FOXN3: variants seen among roughly 807,000 people sequenced by gnomAD.
FOXN3 encodes the protein forkhead box N3.
Under a neutral mutation model 38.4 loss-of-function variants are expected in FOXN3, and 7 were observed. The observed-to-expected ratio is 0.18, with a 90% CI of 0.10 to 0.34. FOXN3 has a LOEUF of 0.34. Ranked by LOEUF, FOXN3 falls within the 10% of genes least tolerant of loss-of-function variation. The pLI is 1.00. For missense variants in FOXN3, 456 were observed against 613.4 expected, an observed-to-expected ratio of 0.74 and a Z score of 2.71; for synonymous variants, 230 against 242.2, an observed-to-expected ratio of 0.95 and a Z score of 0.47.
At chr14:89,418,563 G>A (rs573526820), upstream of FOXN3, among the ~76,000 whole-genome samples, 2 of 151,314 alleles carry the variant, frequency 1.3e-5, no homozygotes, top group East Asian at 2.0e-4. Context: ...ACAATTAGGA[G>A]GTGGAAGCCC....
Position 89,548,305 on chromosome 14 carries a change from T to C in FOXN3, c.-15+70723A>G, listed in dbSNP as rs930551966. On this transcript the variant is annotated intron_variant, in intron 1 of 6. Transcript: ENST00000345097. The surrounding 1 kb of genome is among the most constrained non-coding windows in gnomAD (Gnocchi z 4.8). ...TATCATTTCCTAATTATTCCTCACA[T>C]GTATATTTATGTTTGTCAGAATATA... Among the ~76,000 whole-genome samples the C allele has an allele frequency of 2.7e-5, 4 of 148,584 alleles. No homozygotes were observed. Among genetic ancestry groups the C allele is most frequent in the Non-Finnish European group, 4.5e-5 (3 of 66,774 alleles).
At chr14:89,260,524 A>C (rs1409373197) in intron 4 of FOXN3, among the ~76,000 whole-genome samples, 1 of 152,266 alleles carries the variant, frequency 6.6e-6, no homozygotes, top group African/African-American at 2.4e-5. Flanking sequence ...TGGCTGGCAC[A>C]GCCTGGGTGC....
At chr14:89,251,159 C>A (rs1172335324) in intron 4 of FOXN3, among the ~76,000 whole-genome samples, 1 of 152,186 alleles carries the variant, frequency 6.6e-6, no homozygotes, top group Non-Finnish European at 1.5e-5. Context: ...TACTTGTGAG[C>A]CACTGGTGCC....
intron 4 of FOXN3, among the ~76,000 whole-genome samples, chr14:89,256,909 A>G (rs1211636864): frequency 2.0e-5 from 3 of 152,218 alleles, no homozygotes; most frequent in Non-Finnish European, 4.4e-5. Flanking sequence ...GACCTCTGCA[A>G]GTCTACTTTT....
chr14:89,221,889 C>A (rs1333813602), intron 4 of FOXN3, among the ~76,000 whole-genome samples: 1 of 150,702 alleles, frequency 6.6e-6, no homozygotes, highest in Non-Finnish European at 1.5e-5. Flanking sequence ...GTGGCGCGAT[C>A]TCGGCTCACT....
At chr14:89,443,170 T>C (rs977893119) in intron 1 of FOXN3, among the ~76,000 whole-genome samples, 1 of 152,164 alleles carries the variant, frequency 6.6e-6, no homozygotes, top group South Asian at 2.1e-4. Flanking sequence ...TAGTCATGAG[T>C]GGTAACTGCA....
chr14:89,286,013 C>T (rs1292607136), intron 3 of FOXN3, among the ~76,000 whole-genome samples: 1 of 151,950 alleles, frequency 6.6e-6, no homozygotes, highest in Admixed American at 6.6e-5. Flanking sequence ...ACTACAGGCA[C>T]ACACCACTAT....
At chr14:89,376,086 A>C (rs2140061284) in intron 2 of FOXN3, among the ~76,000 whole-genome samples, 1 of 152,244 alleles carries the variant, frequency 6.6e-6, no homozygotes, top group South Asian at 2.1e-4. Context: ...CCTGGCCTCC[A>C]GTTTCAGTTT....
intron 4 of FOXN3, among the ~76,000 whole-genome samples, chr14:89,246,627 C>A (rs1453798017): frequency 1.4e-5 from 2 of 140,840 alleles, no homozygotes; most frequent in Non-Finnish European, 3.0e-5. Context: ...GCAACCTCTG[C>A]CTCCTGGGTT....
chr14:89,205,766 G>A (rs773940530), intron 4 of FOXN3, among the ~76,000 whole-genome samples: 4 of 152,212 alleles, frequency 2.6e-5, no homozygotes, highest in Non-Finnish European at 4.4e-5. Flanking sequence ...CGCCCACCGG[G>A]GCTTCGGGAG....
At chr14:89,268,114 A>C (rs1048447833) in intron 4 of FOXN3, among the ~76,000 whole-genome samples, 5 of 152,334 alleles carry the variant, frequency 3.3e-5, no homozygotes, top group Middle Eastern at 3.4e-3. Flanking sequence ...ATATACATAT[A>C]TGCTGCTTGG....
chr14:89,184,944 G>A (rs1887765865), intron 4 of FOXN3, among the ~76,000 whole-genome samples: 1 of 152,198 alleles, frequency 6.6e-6, no homozygotes, highest in Non-Finnish European at 1.5e-5. Flanking sequence ...ATTCCTAACT[G>A]CATTTACCTA....
At position 89,593,030 on chromosome 14, in the gene FOXN3, A is replaced by AGAGG. The variant is rs534129916; in HGVS notation, c.-15+25994_-15+25997dup. ...AGACAGGGAGGCAGGAAGGAGGGAA[A>AGAGG]GAGGGAGGGAGGGAGGGAGGAGGAA... is the stretch of plus-strand genomic sequence containing the variant. On this transcript the variant is annotated intron_variant, in intron 1 of 6. Transcript: ENST00000345097. Among the ~76,000 whole-genome samples, 564 of 133,648 alleles carry AGAGG rather than the reference A, an allele frequency of 4.2e-3. 1 individual carries two copies. Among genetic ancestry groups the AGAGG allele is most frequent in the Non-Finnish European group, 7.1e-3 (444 of 62,284 alleles). 87.7% of individuals were successfully genotyped at this position (133,648 alleles called of 152,430 possible).
rs1884901123 is a variant in FOXN3 at position 89,162,550 on chromosome 14, G to A, written c.1271C>T (p.Pro424Leu). The change falls in exon 6 of 6, where the codon CCC becomes CTC. Residue 424 changes from proline to leucine, a missense_variant. This residue lies in a region of FOXN3 where 386 missense variants were observed against 505.2 expected (regional missense o/e 0.76). Transcript: ENST00000557258. This position sits in a 1 kb window ranked among gnomAD's most constrained non-coding sequence, Gnocchi z 7.2. Reference protein sequence around the residue: ...PLKKRRTEKPPESDDEEMKEA... With the variant: ...PLKKRRTEKPLESDDEEMKEA... ...TTTCATCTCCTCATCATCGCTCTCGGGGGGCTTTTCGGTGCGTCTCTTTTT... is the reference window on the plus strand; with the variant it reads ...TTTCATCTCCTCATCATCGCTCTCGAGGGGCTTTTCGGTGCGTCTCTTTTT... The A allele has an allele frequency of 1.2e-6, 2 of 1,613,970 alleles. No homozygotes were observed. Among genetic ancestry groups the A allele is most frequent in the Non-Finnish European group, 1.7e-6 (2 of 1,179,998 alleles).
rs769069776 is a variant in FOXN3 at position 89,162,934 on chromosome 14, C to T, written c.887G>A (p.Ser296Asn). The change falls in exon 6 of 6, where the codon AGT (serine) becomes AAT (asparagine). Residue 296 changes from serine to asparagine, a missense_variant. Physicochemically the swap from Ser to Asn is conservative, Grantham distance 46 (BLOSUM62 1). Around this residue, in one of 3 missense-constraint regions of FOXN3, gnomAD observed 386 missense variants for 505.2 expected, o/e 0.76. Transcript: ENST00000557258. The surrounding 1 kb of genome is among the most constrained non-coding windows in gnomAD (Gnocchi z 7.2). ...CACTGGGGAGCCACAAGATGGCTCACTCTCAGTCCGCATCCGGCAGCTGGT... is the reference window on the plus strand; with the variant it reads ...CACTGGGGAGCCACAAGATGGCTCATTCTCAGTCCGCATCCGGCAGCTGGT... The part of the protein sequence containing the change: ...GITSCRMRTE[S>N]EPSCGSPVVS... 8 of 1,582,220 alleles carry T rather than the reference C, an allele frequency of 5.1e-6. No individual in the cohort carries two copies. Among genetic ancestry groups the T allele is most frequent in the Admixed American group, 1.7e-5 (1 of 57,992 alleles).
intron 1 of FOXN3, among the ~76,000 whole-genome samples, chr14:89,605,841 G>A (rs761739962): frequency 4.6e-5 from 7 of 152,054 alleles, no homozygotes; most frequent in Non-Finnish European, 8.8e-5. Context: ...GAGGCTGAAC[G>A]CAGTAGCTCA....
At chr14:89,261,843 G>C (rs539596032) in intron 4 of FOXN3, among the ~76,000 whole-genome samples, 1 of 152,298 alleles carries the variant, frequency 6.6e-6, no homozygotes, top group Admixed American at 6.5e-5. Flanking sequence ...CAGGAGAATG[G>C]TATGAACCCA....
rs370676985 is a variant in FOXN3, at chr14:89,583,432, G to A, written c.-15+35596C>T. 6.6e-5 allele frequency among the ~76,000 whole-genome samples: 10 copies of A among 152,266 alleles called. No individual in the cohort carries two copies. The South Asian group carries it at 8.3e-4, about 13-fold the overall frequency. ...GGACACAGCATTCATCCCATTTTGC[G>A]CTTCCGCCTTCTGCCATGGAAGGAT... On this transcript the variant is annotated intron_variant, in intron 1 of 6. Transcript: ENST00000345097.
rs182067481 is a variant in FOXN3, at chr14:89,463,076, G to T, written c.-14-50586C>A. On this transcript the variant is annotated intron_variant, in intron 1 of 6. Transcript: ENST00000345097. ...GAGGCCAAGGAGGGCGGATCACGAG[G>T]TCAGGAGATTGAGAAGATCTGGCTA... 4.1e-3 allele frequency among the ~76,000 whole-genome samples: 616 copies of T among 150,940 alleles called. 3 individuals are homozygous for T. Among genetic ancestry groups the T allele is most frequent in the African/African-American group, 0.013 (525 of 41,112 alleles).
Sources: allele counts gnomAD v4.1 joint callset (sites outside exome capture counted in the v4.1 genomes callset), GRCh38; gene constraint gnomAD v4.1.1; regional missense constraint gnomAD v4.1.1; non-coding constraint Gnocchi (gnomAD v3.1); transcripts MANE v1.5; gene names NCBI Gene and HGNC (gene_info 2026-07-23, HGNC 2026-07-21).